The following ADCY1 variants were observed in gnomAD, a reference collection of about 807,000 sequenced individuals.
ADCY1 encodes the protein adenylate cyclase 1, also known as adenylate cyclase type 1.
In ADCY1, 28 loss-of-function variants were observed where a neutral mutation model predicts 105.4. That is an observed-to-expected ratio of 0.27 (90% CI 0.20 to 0.36). The LOEUF is 0.36. ADCY1 is among the 10% of genes least tolerant of loss of function. The pLI, the probability that ADCY1 is intolerant of heterozygous loss-of-function variation, is 1.00. For synonymous variants in ADCY1, 655 were observed against 623.8 expected (o/e 1.05, Z -0.75); for missense variants, 977 against 1,434.2 (o/e 0.68, Z 5.15).
rs113650961 is a variant in ADCY1, at chr7:45,623,375, C to G, written c.1020+632C>G. 2.8e-3 allele frequency among the ~76,000 whole-genome samples: 419 copies of G among 152,336 alleles called. 1 individual carries two copies. The highest frequency in any genetic ancestry group is 0.017 in the Middle Eastern group (5 of 294). On this transcript the variant is annotated intron_variant, in intron 4 of 19. Transcript: ENST00000297323. ...ATGTTAGGAAGCAAAGATGAGCAAG[C>G]TAGCCAAACCTCCTTGTACAGAGGT...
intron 4 of ADCY1, among the ~76,000 whole-genome samples, chr7:45,624,171 G>T (rs999030698): frequency 6.6e-6 from 1 of 152,184 alleles, no homozygotes; most frequent in Non-Finnish European, 1.5e-5. Context: ...GTCCTGAGGG[G>T]CATTCTGAGC....
At chr7:45,604,094 A>G (rs1470894053) in intron 2 of ADCY1, among the ~76,000 whole-genome samples, 1 of 152,212 alleles carries the variant, frequency 6.6e-6, no homozygotes, top group African/African-American at 2.4e-5. Flanking sequence ...GCTGGGTCAT[A>G]TGGAAGTTGC....
chr7:45,658,494 G>A (rs1008854222), intron 6 of ADCY1, among the ~76,000 whole-genome samples: 7 of 152,248 alleles, frequency 4.6e-5, no homozygotes, highest in Middle Eastern at 3.4e-3. Context: ...TCTCGCAGTG[G>A]CTATCATGGC....
At chr7:45,659,386 G>A (rs1443398024) in intron 6 of ADCY1, among the ~76,000 whole-genome samples, 2 of 152,242 alleles carry the variant, frequency 1.3e-5, no homozygotes, top group Non-Finnish European at 2.9e-5. Context: ...AAGGTGGGGA[G>A]TTTGCTTCTC....
At chr7:45,626,582 C>T (rs1794066934) in intron 4 of ADCY1, among the ~76,000 whole-genome samples, 1 of 152,194 alleles carries the variant, frequency 6.6e-6, no homozygotes, top group African/African-American at 2.4e-5. Flanking sequence ...ACGAGGAGCA[C>T]AGCAGAGAGA....
At chr7:45,675,257 C>G (rs979347134) in intron 8 of ADCY1, among the ~76,000 whole-genome samples, 1 of 152,102 alleles carries the variant, frequency 6.6e-6, no homozygotes, top group Non-Finnish European at 1.5e-5. Context: ...TTACAGCCTA[C>G]TGATGTCAAC....
At chr7:45,681,465 G>C (rs557993181) in intron 11 of ADCY1, among the ~76,000 whole-genome samples, 48 of 152,270 alleles carry the variant, frequency 3.2e-4, no homozygotes, top group Admixed American at 2.0e-4. Flanking sequence ...TAAGTGTGTG[G>C]TTTGGAGGTG....
intron 6 of ADCY1, among the ~76,000 whole-genome samples, chr7:45,659,421 C>T (rs959397056): frequency 5.3e-5 from 8 of 152,218 alleles, no homozygotes; most frequent in South Asian, 2.1e-4. Context: ...CGAGCTCAGG[C>T]GTGCCCTGCT....
intron 3 of ADCY1, among the ~76,000 whole-genome samples, chr7:45,610,960 A>ATTGGAGGTGTG (rs1793563265): frequency 8.7e-6 from 1 of 115,542 alleles, no homozygotes; most frequent in African/African-American, 3.2e-5. Context: ...GTGGAGGTGT[A>ATTGGAGGTGTG]GAGGTGATGG....
At chr7:45,579,852 G>A (rs939332063) in intron 1 of ADCY1, among the ~76,000 whole-genome samples, 1 of 152,154 alleles carries the variant, frequency 6.6e-6, no homozygotes, top group East Asian at 1.9e-4. Flanking sequence ...TGGCAGCCTC[G>A]CTGCTTCCTC....
At chr7:45,669,556 G>T (rs376015235) in intron 8 of ADCY1, among the ~76,000 whole-genome samples, 1 of 152,060 alleles carries the variant, frequency 6.6e-6, no homozygotes, top group East Asian at 1.9e-4. Flanking sequence ...CCAACTATGT[G>T]GTCAATTTTG....
Position 45,694,109 on chromosome 7 carries a change from G to C in ADCY1, c.2454+7436G>C, listed in dbSNP as rs1422255771. On this transcript the variant is annotated intron_variant, in intron 14 of 19. Coordinates refer to ENST00000297323, the MANE Select transcript of ADCY1 (RefSeq NM_021116.4). ...GTGCACATGTACCCTAAAACTTAGA[G>C]TATAATAAAAAAAAAAAAAAAAAAA... is the stretch of plus-strand genomic sequence containing the variant. Among the ~76,000 whole-genome samples, 16 of 53,428 alleles carry C rather than the reference G, an allele frequency of 3.0e-4. No individual in the cohort carries two copies. The Admixed American group carries it at 4.8e-3, about 16-fold the overall frequency. 35.1% of individuals were successfully genotyped at this position (53,428 alleles called of 152,430 possible).
intron 1 of ADCY1, among the ~76,000 whole-genome samples, chr7:45,578,931 T>A (rs1792434745): frequency 6.6e-6 from 1 of 152,244 alleles, no homozygotes; most frequent in Non-Finnish European, 1.5e-5. Flanking sequence ...ATTATATGCT[T>A]TCAATTTCGT....
intron 12 of ADCY1, among the ~76,000 whole-genome samples, chr7:45,685,593 GA>G (rs1178022008): frequency 6.7e-6 from 1 of 150,370 alleles, no homozygotes; most frequent in African/African-American, 2.5e-5. Context: ...GGGGCAGGAG[GA>G]ACAGGACAGA....
At chr7:45,639,742 G>A (rs1794488831) in intron 4 of ADCY1, among the ~76,000 whole-genome samples, 1 of 152,226 alleles carries the variant, frequency 6.6e-6, no homozygotes, top group South Asian at 2.1e-4. Flanking sequence ...ATTTCAGATG[G>A]TACAGGCGGG....
At chr7:45,644,653 C>T (rs193112071) in intron 4 of ADCY1, among the ~76,000 whole-genome samples, 58 of 152,312 alleles carry the variant, frequency 3.8e-4, no homozygotes, top group African/African-American at 1.3e-3. Context: ...TGAGCCCCTG[C>T]CAACCCTCCA....
In ADCY1 at chr7:45,592,618, G is replaced by A. The variant is rs1305232608; in HGVS notation, c.640-141G>A. 2.0e-5 allele frequency: 23 copies of A among 1,135,490 alleles called. No homozygotes were observed. In the East Asian group the frequency reaches 4.8e-4, roughly 24 times the overall value. The allele number at this position is 1,135,490 out of a possible 1,614,324, so 70.3% of individuals were successfully genotyped here. On this transcript the variant is annotated intron_variant, in intron 1 of 19. Transcript: ENST00000297323. ...CGAGCTCCTGCCCGGCTGACTCCCT[G>A]TGTCCCTGGCCCTGCGCTGTGGGTT... is the stretch of plus-strand genomic sequence containing the variant.
chr7:45,619,415 C>G (rs553863080), intron 3 of ADCY1, among the ~76,000 whole-genome samples: 11 of 152,212 alleles, frequency 7.2e-5, no homozygotes, highest in South Asian at 2.1e-4. Context: ...GTTGGATATC[C>G]TAATCACCCT....
At chr7:45,693,056 ATTC>A (rs1234787761) in intron 14 of ADCY1, among the ~76,000 whole-genome samples, 2 of 152,242 alleles carry the variant, frequency 1.3e-5, no homozygotes, top group Admixed American at 1.3e-4. Flanking sequence ...ACTGCAAGAA[ATTC>A]TTCTATCTAT....
Sources: gnomAD v4.1 joint callset for allele counts (sites outside exome capture counted in the v4.1 genomes callset) on GRCh38, gnomAD v4.1.1 for gene constraint, MANE v1.5 for transcripts, NCBI Gene and HGNC (gene_info 2026-07-23, HGNC 2026-07-21) for gene names.